UXS1: variants seen among roughly 807,000 people sequenced by gnomAD.
UXS1 encodes the protein UDP-glucuronate decarboxylase 1, also known as UDP-glucuronic acid decarboxylase 1.
A neutral mutation model predicts 62.6 loss-of-function variants in UXS1; 33 were observed. The ratio of observed to expected loss-of-function variants is 0.53; its 90% CI spans 0.40 to 0.70. The LOEUF (loss-of-function observed/expected upper bound fraction) is 0.70, where lower values mean the gene tolerates loss of function less well. UXS1 is among the 30% of genes least tolerant of loss of function. The pLI is 0.00. For missense variants in UXS1, 434 were observed against 556.3 expected (o/e 0.78, Z 2.21); for synonymous variants, 213 against 206.8 (o/e 1.03, Z -0.26).
chr2:106,138,263 C>T (rs3795908), intron 6 of UXS1: 69,414 of 985,386 alleles, frequency 0.07, 3,295 homozygotes, highest in East Asian at 0.35. Flanking sequence ...ACCTTCTCAC[C>T]ATCCTTGGTC....
At chr2:106,148,941 G>C (rs1681801408) in intron 5 of UXS1, among the ~76,000 whole-genome samples, 1 of 152,180 alleles carries the variant, frequency 6.6e-6, no homozygotes, top group Non-Finnish European at 1.5e-5. Flanking sequence ...GTGCTTTCTT[G>C]CTCGCTCTTG....
intron 9 of UXS1, 140 bp downstream of exon 9, chr2:106,122,830 A>G: frequency 9.1e-7 from 1 of 1,094,232 alleles, no homozygotes; most frequent in Non-Finnish European, 1.3e-6. Context: ...CCATTAATTT[A>G]TAATACTGGG....
chr2:106,122,942 A>G, intron 9 of UXS1, 28 bp downstream of exon 9: 1 of 1,612,010 alleles, frequency 6.2e-7, no homozygotes, highest in Non-Finnish European at 8.5e-7. Context: ...GCACGCCTAA[A>G]CCGCAAGCCT....
chr2:106,104,389 G>A (rs1677873403), intron 11 of UXS1, among the ~76,000 whole-genome samples: 1 of 152,184 alleles, frequency 6.6e-6, no homozygotes, highest in South Asian at 2.1e-4. Context: ...TATCTACCTT[G>A]TGCCCTCCAC....
At chr2:106,125,535 G>A (rs549254226) in intron 8 of UXS1, 85 bp downstream of exon 8, 15 of 1,325,886 alleles carry the variant, frequency 1.1e-5, no homozygotes, top group Non-Finnish European at 1.5e-5. Flanking sequence ...GGCCTCCTCA[G>A]AAAAGAACAC....
chr2:106,096,793 G>A lies in UXS1; in HGVS notation c.1071C>T (p.Ser357=), dbSNP rs1553415702. The A allele has an allele frequency of 1.3e-5, 21 of 1,591,518 alleles. No homozygotes were observed. Among genetic ancestry groups the A allele is most frequent in the African/African-American group, 1.2e-4 (9 of 74,500 alleles). The part of the protein sequence containing the change: ...VGSGSEIQFL[S]EAQDDPQKRK... ...TTTTCTGTGGGTCATCCTGGGCTTC[G>A]GAGAGAAACTGAATTTCACTTCCGC... Residue 357 remains serine, a synonymous_variant, in exon 14 of 15, where the codon TCC becomes TCT. Transcript: ENST00000283148.
chr2:106,151,171 G>C (rs142874328), intron 5 of UXS1, among the ~76,000 whole-genome samples: 1 of 152,330 alleles, frequency 6.6e-6, no homozygotes, highest in African/African-American at 2.4e-5. Context: ...TTTCCCAAAT[G>C]ATGTTTAGAT....
At chr2:106,124,772 A>T (rs1304837583) in intron 8 of UXS1, among the ~76,000 whole-genome samples, 1 of 152,180 alleles carries the variant, frequency 6.6e-6, no homozygotes, top group East Asian at 1.9e-4. Flanking sequence ...AAAAGTAGAC[A>T]ATGAACTACC....
intron 1 of UXS1, among the ~76,000 whole-genome samples, chr2:106,170,686 C>G (rs895986836): frequency 6.6e-6 from 1 of 152,208 alleles, no homozygotes; most frequent in Non-Finnish European, 1.5e-5. Context: ...CACAGCAAAG[C>G]AGGACAAACC....
chr2:106,167,463 T>C (rs1258263477), intron 1 of UXS1, among the ~76,000 whole-genome samples: 1 of 152,178 alleles, frequency 6.6e-6, no homozygotes, highest in South Asian at 2.1e-4. Context: ...CATCCTCTTG[T>C]GTGTAGTAGG....
At chr2:106,146,632 T>C (rs188679936) in intron 5 of UXS1, among the ~76,000 whole-genome samples, 6 of 151,348 alleles carry the variant, frequency 4.0e-5, no homozygotes, top group African/African-American at 1.5e-4. Context: ...TACAAAAAAT[T>C]AGCTGGGCGT....
intron 1 of UXS1, among the ~76,000 whole-genome samples, chr2:106,172,648 G>C (rs987120589): frequency 1.3e-5 from 2 of 152,106 alleles, no homozygotes; most frequent in Non-Finnish European, 2.9e-5. Context: ...CCAGGCCACA[G>C]GTCTGTACTT....
chr2:106,098,817 C>T (rs1372822617), intron 12 of UXS1, 44 bp from the exon 13 acceptor site: 1 of 1,561,088 alleles, frequency 6.4e-7, no homozygotes, highest in Admixed American at 1.7e-5. Context: ...ATGACAACAG[C>T]AGCAATCCAC....
At chr2:106,114,240 G>A (rs1678882690) in intron 9 of UXS1, among the ~76,000 whole-genome samples, 1 of 152,174 alleles carries the variant, frequency 6.6e-6, no homozygotes, top group Non-Finnish European at 1.5e-5. Context: ...GAAGCACACA[G>A]TTAACTTTTA....
intron 1 of UXS1, among the ~76,000 whole-genome samples, chr2:106,192,046 G>A (rs1684966475): frequency 6.6e-6 from 1 of 152,156 alleles, no homozygotes; most frequent in Non-Finnish European, 1.5e-5. Flanking sequence ...AACTTGAGGT[G>A]GGAGACAAGC....
intron 8 of UXS1, 86 bp from the exon 9 acceptor site, chr2:106,123,177 C>A: frequency 6.4e-7 from 1 of 1,570,202 alleles, no homozygotes; most frequent in Non-Finnish European, 8.7e-7. Flanking sequence ...CAAAAGGGAA[C>A]TTCGGAAAGA....
chr2:106,100,839 G>T, intron 12 of UXS1: 1 of 591,738 alleles, frequency 1.7e-6, no homozygotes, highest in Non-Finnish European at 3.0e-6. Flanking sequence ...AAGGTGGAGG[G>T]ACTGATTACA....
chr2:106,118,048 G>A (rs1433571866), intron 9 of UXS1, among the ~76,000 whole-genome samples: 1 of 152,216 alleles, frequency 6.6e-6, no homozygotes, highest in Non-Finnish European at 1.5e-5. Flanking sequence ...GGCCAGGAGG[G>A]GTGGATATCA....
intron 10 of UXS1, 29 bp downstream of exon 10, chr2:106,112,617 G>A (rs1421542896): frequency 3.1e-6 from 5 of 1,611,768 alleles, no homozygotes; most frequent in Non-Finnish European, 3.4e-6. Context: ...GGGTTGCAAG[G>A]TGCTCCCTGA....
Sources: allele counts gnomAD v4.1 joint callset (sites outside exome capture counted in the v4.1 genomes callset), GRCh38; gene constraint gnomAD v4.1.1; transcripts MANE v1.5; gene names NCBI Gene and HGNC (gene_info 2026-07-23, HGNC 2026-07-21).